OTUD7B: variants seen among roughly 807,000 people sequenced by gnomAD.
OTUD7B encodes OTU domain-containing protein 7B.
In OTUD7B, 34 loss-of-function variants were observed where a neutral mutation model predicts 82.2. The ratio of observed to expected loss-of-function variants is 0.41; its 90% CI spans 0.31 to 0.55. The LOEUF is 0.55. OTUD7B is among the 20% of genes least tolerant of loss of function. OTUD7B has a pLI of 0.20. For missense variants in OTUD7B, 944 were observed against 1,062.1 expected (o/e 0.89, Z 1.55); for synonymous variants, 398 against 402.7 (o/e 0.99, Z 0.14).
intron 6 of OTUD7B, chr1:149,962,899 A>C (rs183220590): frequency 9.2e-5 from 14 of 152,296 alleles, no homozygotes; most frequent in African/African-American, 3.1e-4. Context: ...AAAGCTTTCC[A>C]CGAGATCCAG....
In OTUD7B at chr1:149,940,334, T is replaced by C. The variant is rs1168592834; in HGVS notation, c.*3523A>G. 1.3e-5 allele frequency: 2 copies of C among 152,244 alleles called. No homozygotes were observed. The highest frequency in any genetic ancestry group is 2.4e-5 in the African/African-American group (1 of 41,458). 9.4% of individuals were successfully genotyped at this position (152,244 alleles called of 1,614,324 possible). A position where few individuals can be genotyped will look rare whatever the true frequency, so the allele number is the denominator to read the frequency against. ...AAAGACTGAATCTTTAAAAAATCTT[T>C]GGATATAATCTTTTTATTTTGTTGA... On this transcript the variant is annotated 3_prime_UTR_variant, in exon 12 of 12. Transcript: ENST00000581312.
In OTUD7B at chr1:149,971,179, G is replaced by A. The variant is rs1553777581; in HGVS notation, c.158C>T (p.Pro53Leu). 5.6e-6 allele frequency: 9 copies of A among 1,613,526 alleles called. No individual in the cohort carries two copies. The South Asian group carries it at 9.9e-5, about 18-fold the overall frequency. ...QLRQVHAGNL[P>L]PSFSEGSGGS... ...ACCACTCCCCTCACTAAAGGATGGGGGTAGGTTTCCAGCATGGACTTGACG... is the reference window on the plus strand; with the variant it reads ...ACCACTCCCCTCACTAAAGGATGGGAGTAGGTTTCCAGCATGGACTTGACG... Residue 53 changes from proline (P) to leucine (L), a missense_variant, in exon 3 of 12, where the codon CCC (proline) becomes CTC (leucine). This residue lies in a region of OTUD7B where 530 missense variants were observed against 625.6 expected (regional missense o/e 0.85). Transcript: ENST00000581312.
intron 1 of OTUD7B, among the ~76,000 whole-genome samples, chr1:149,996,454 A>T (rs1553783439): frequency 6.6e-6 from 1 of 152,238 alleles, no homozygotes; most frequent in African/African-American, 2.4e-5. Flanking sequence ...ATATGTAAAC[A>T]GTGGCATAAT....
At chr1:149,987,251 A>G (rs1553781053) in intron 1 of OTUD7B, among the ~76,000 whole-genome samples, 1 of 152,134 alleles carries the variant, frequency 6.6e-6, no homozygotes, top group African/African-American at 2.4e-5. Flanking sequence ...GCTCACATAC[A>G]ATGCCACATT....
intron 7 of OTUD7B, among the ~76,000 whole-genome samples, chr1:149,956,186 C>A (rs905322687): frequency 6.6e-6 from 1 of 152,088 alleles, no homozygotes; most frequent in Admixed American, 6.6e-5. Flanking sequence ...TTGTTCCTTT[C>A]CATGTTTAGT....
At chr1:149,979,001 T>C (rs1038170055) in intron 1 of OTUD7B, among the ~76,000 whole-genome samples, 1 of 113,204 alleles carries the variant, frequency 8.8e-6, no homozygotes, top group Non-Finnish European at 1.7e-5. Flanking sequence ...GTCACTAACT[T>C]GCTAACACTG....
rs1329503694 is a variant in OTUD7B, at chr1:149,939,413, G to T, written c.*4444C>A. On this transcript the variant is annotated 3_prime_UTR_variant, in exon 12 of 12. Coordinates refer to ENST00000581312, the MANE Select transcript of OTUD7B (RefSeq NM_020205.4). ...CATCGTAATATTTTGTTACCCAACT[G>T]ATGTATGGTGGCAAAATACCCTGTG... is the stretch of plus-strand genomic sequence containing the variant. The T allele has an allele frequency of 6.6e-6, 1 of 152,210 alleles. No individual in the cohort carries two copies. Among genetic ancestry groups the T allele is most frequent in the African/African-American group, 2.4e-5 (1 of 41,434 alleles). 9.4% of individuals were successfully genotyped at this position (152,210 alleles called of 1,614,324 possible).
At chr1:150,043,636 C>A in the OTUD7B span, among the ~76,000 whole-genome samples, 2 of 152,136 alleles carry the variant, frequency 1.3e-5, no homozygotes, top group Non-Finnish European at 2.9e-5. Context: ...GGGACTTTTA[C>A]ATCAAACTAG....
At chr1:150,022,650 A>G in the OTUD7B span, among the ~76,000 whole-genome samples, 2 of 152,132 alleles carry the variant, frequency 1.3e-5, no homozygotes, top group African/African-American at 2.4e-5. Context: ...ACCACAGGCC[A>G]TCTAATGACA....
the OTUD7B span, among the ~76,000 whole-genome samples, chr1:150,059,550 G>A: frequency 6.6e-6 from 1 of 151,648 alleles, no homozygotes; most frequent in African/African-American, 2.4e-5. Flanking sequence ...TGTATTTTTA[G>A]TAGAGACGGG....
At chr1:149,983,720 G>A (rs1650945507) in intron 1 of OTUD7B, among the ~76,000 whole-genome samples, 1 of 152,100 alleles carries the variant, frequency 6.6e-6, no homozygotes, top group Admixed American at 6.5e-5. Context: ...AATATAATGG[G>A]AAGCCACTGA....
chr1:150,000,490 AAAAC>A lies in OTUD7B; in HGVS notation c.-67+9954_-67+9957del, dbSNP rs1215234454. Reference sequence around the variant, plus strand: ...ACCCTGTCTTAAAAAAAGAAAACAAAAAACAAACAAACAAAAAAACAGGACAAGT... The same window carrying A: ...ACCCTGTCTTAAAAAAAGAAAACAAAAAACAAACAAAAAAACAGGACAAGT... On this transcript the variant is annotated intron_variant, in intron 1 of 11. Coordinates refer to ENST00000581312, the MANE Select transcript of OTUD7B (RefSeq NM_020205.4). Among the ~76,000 whole-genome samples, 10 of 151,912 alleles carry A rather than the reference AAAAC, an allele frequency of 6.6e-5. No individual in the cohort carries two copies. The East Asian group carries it at 9.7e-4, about 15-fold the overall frequency.
intron 7 of OTUD7B, among the ~76,000 whole-genome samples, chr1:149,952,544 T>C (rs1344328175): frequency 6.6e-6 from 1 of 152,248 alleles, no homozygotes; most frequent in Non-Finnish European, 1.5e-5. Context: ...GCATGATTTA[T>C]AATCCTTTGG....
intron 4 of OTUD7B, 90 bp downstream of exon 4, chr1:149,967,204 G>T: frequency 1.2e-6 from 1 of 826,526 alleles, no homozygotes; most frequent in South Asian, 1.7e-5. Flanking sequence ...CACTTAAACT[G>T]GAAGCTAGCG....
intron 3 of OTUD7B, among the ~76,000 whole-genome samples, chr1:149,969,863 A>C (rs1040343643): frequency 6.6e-6 from 1 of 152,108 alleles, no homozygotes; most frequent in East Asian, 1.9e-4. Flanking sequence ...CACCATGCCC[A>C]GCTAATTTTT....
chr1:150,038,231 C>T, the OTUD7B span, among the ~76,000 whole-genome samples: 3 of 152,068 alleles, frequency 2.0e-5, no homozygotes, highest in Non-Finnish European at 4.4e-5. Context: ...TTTTCCCCCA[C>T]TTTATTTTTT....
At position 149,998,943 on chromosome 1, in the gene OTUD7B, T is replaced by G. The variant is rs587753406; in HGVS notation, c.-67+11505A>C. ...CATAGCCTGTATTTGTTTCTCACAT[T>G]TTTTTTCTTTATATGCATTTATCTG... On this transcript the variant is annotated intron_variant, in intron 1 of 11. Coordinates refer to ENST00000581312, the MANE Select transcript of OTUD7B (RefSeq NM_020205.4). Among the ~76,000 whole-genome samples, 14 of 152,306 alleles carry G rather than the reference T, an allele frequency of 9.2e-5. No individual in the cohort carries two copies. The South Asian group carries it at 2.9e-3, about 32-fold the overall frequency.
At chr1:150,008,260 C>T (rs974936510) in intron 1 of OTUD7B, among the ~76,000 whole-genome samples, 9 of 152,112 alleles carry the variant, frequency 5.9e-5, no homozygotes, top group Non-Finnish European at 1.3e-4. Flanking sequence ...TAGAATTTAC[C>T]CAGATATCAT....
chr1:149,999,747 T>C (rs1233310984), intron 1 of OTUD7B, among the ~76,000 whole-genome samples: 1 of 152,218 alleles, frequency 6.6e-6, no homozygotes, highest in African/African-American at 2.4e-5. Context: ...ATCATTGTAT[T>C]TTCCCACTGT....
Sources: allele counts gnomAD v4.1 joint callset (sites outside exome capture counted in the v4.1 genomes callset), GRCh38; gene constraint gnomAD v4.1.1; regional missense constraint gnomAD v4.1.1; transcripts MANE v1.5; gene names NCBI Gene and HGNC (gene_info 2026-07-23, HGNC 2026-07-21).